PICALM: variants seen among roughly 807,000 people sequenced by gnomAD.
PICALM encodes the protein phosphatidylinositol binding clathrin assembly protein, also known as phosphatidylinositol-binding clathrin assembly protein.
Under a neutral mutation model 80.5 loss-of-function variants are expected in PICALM, and 40 were observed. The ratio of observed to expected loss-of-function variants is 0.50; its 90% CI spans 0.39 to 0.65. The LOEUF (loss-of-function observed/expected upper bound fraction) is 0.65. Among genes scored for constraint, PICALM ranks in the 30% least tolerant of loss-of-function variants. PICALM has a pLI of 0.00. For synonymous variants in PICALM, 288 were observed against 260.3 expected (o/e 1.11, Z -1.02); for missense variants, 676 against 778.9 (o/e 0.87, Z 1.57).
At chr11:86,028,094 CATTTT>C (rs1284052628) in intron 2 of PICALM, among the ~76,000 whole-genome samples, 1 of 152,128 alleles carries the variant, frequency 6.6e-6, no homozygotes, top group Non-Finnish European at 1.5e-5. Context: ...TTTTCCTTTT[CATTTT>C]ATTAGTCCTT....
intron 2 of PICALM, among the ~76,000 whole-genome samples, chr11:86,027,883 A>G (rs980630436): frequency 2.6e-5 from 4 of 152,152 alleles, no homozygotes; most frequent in Admixed American, 6.6e-5. Flanking sequence ...TTGAAAATCA[A>G]TGTGTAAACT....
chr11:86,024,050 A>C (rs953410387), intron 3 of PICALM, among the ~76,000 whole-genome samples: 3 of 152,102 alleles, frequency 2.0e-5, no homozygotes, highest in Non-Finnish European at 4.4e-5. Context: ...GGACCGCTTG[A>C]GCCAGGAGTT....
At chr11:86,001,840 T>G (rs771153306) in intron 9 of PICALM, among the ~76,000 whole-genome samples, 1 of 152,196 alleles carries the variant, frequency 6.6e-6, no homozygotes, top group African/African-American at 2.4e-5. Flanking sequence ...AACCTCAACA[T>G]TAACTTTCCA....
intron 1 of PICALM, among the ~76,000 whole-genome samples, chr11:86,040,003 CAAAA>C (rs752086947): frequency 3.7e-5 from 2 of 53,398 alleles, no homozygotes; most frequent in East Asian, 5.1e-4. Flanking sequence ...GACGCCGTCT[CAAAA>C]AAAAAAAAAA....
At chr11:86,013,112 G>GCAAGA (rs2095425964) in intron 5 of PICALM, among the ~76,000 whole-genome samples, 1 of 152,040 alleles carries the variant, frequency 6.6e-6, no homozygotes, top group Non-Finnish European at 1.5e-5. Flanking sequence ...AATGAGACCA[G>GCAAGA]CCTGGGCAAC....
chr11:86,066,905 T>C (rs1415811579), intron 1 of PICALM, among the ~76,000 whole-genome samples: 1 of 152,194 alleles, frequency 6.6e-6, no homozygotes, highest in African/African-American at 2.4e-5. Context: ...AAAAATCACA[T>C]ATGGCTTTAC....
At chr11:86,019,826 C>A (rs571055050) in intron 4 of PICALM, among the ~76,000 whole-genome samples, 3 of 152,120 alleles carry the variant, frequency 2.0e-5, no homozygotes, top group African/African-American at 7.2e-5. Context: ...TCACTTCAGT[C>A]CATTAATTTA....
At chr11:86,008,918 C>T (rs1229748812) in intron 7 of PICALM, among the ~76,000 whole-genome samples, 1 of 143,388 alleles carries the variant, frequency 7.0e-6, no homozygotes, top group Non-Finnish European at 1.5e-5. Flanking sequence ...TATAGTGAGA[C>T]CCCGTTCTCC....
intron 6 of PICALM, 68 bp downstream of exon 6, chr11:86,012,213 A>C: frequency 1.2e-6 from 1 of 803,224 alleles, no homozygotes; most frequent in Non-Finnish European, 2.0e-6. Flanking sequence ...TTAAGTAACA[A>C]CTCAGTCAAT....
At chr11:86,002,481 G>A (rs1465939940) in intron 9 of PICALM, among the ~76,000 whole-genome samples, 1 of 152,156 alleles carries the variant, frequency 6.6e-6, no homozygotes, top group Non-Finnish European at 1.5e-5. Context: ...TTACCAGACT[G>A]ATATGAAATG....
intron 15 of PICALM, 31 bp downstream of exon 15, chr11:85,981,841 A>C: frequency 1.2e-6 from 2 of 1,612,570 alleles, no homozygotes; most frequent in Non-Finnish European, 1.7e-6. Flanking sequence ...AACAACATAA[A>C]AGAAGATTAA....
At chr11:86,051,682 T>C (rs184957141) in intron 1 of PICALM, among the ~76,000 whole-genome samples, 1 of 152,196 alleles carries the variant, frequency 6.6e-6, no homozygotes, top group Non-Finnish European at 1.5e-5. Context: ...AAAAAAAGTA[T>C]AGAAAGTTGA....
chr11:85,997,367 T>C (rs2095001514), intron 11 of PICALM, among the ~76,000 whole-genome samples: 1 of 152,242 alleles, frequency 6.6e-6, no homozygotes, highest in African/African-American at 2.4e-5. Context: ...TCACTTCTAG[T>C]GCCTCAGTGT....
rs983911803 is a variant in PICALM, at chr11:86,026,022, G to T, written c.349+270C>A. Among the ~76,000 whole-genome samples, 14 of 152,180 alleles carry T rather than the reference G, an allele frequency of 9.2e-5. 1 individual carries two copies. The highest frequency in any genetic ancestry group is 7.2e-4 in the Admixed American group (11 of 15,278). On this transcript the variant is annotated intron_variant, in intron 3 of 19. Coordinates refer to ENST00000393346, the MANE Select transcript of PICALM (RefSeq NM_007166.4). ...CCCAAGTTCATATAGCTGGTAGGCAGCAAAGATGAGATTCAAACCTAGACA... is the reference window on the plus strand; with the variant it reads ...CCCAAGTTCATATAGCTGGTAGGCATCAAAGATGAGATTCAAACCTAGACA...
At chr11:85,972,260 T>G (rs1283369085) in intron 19 of PICALM, among the ~76,000 whole-genome samples, 1 of 152,216 alleles carries the variant, frequency 6.6e-6, no homozygotes, top group Admixed American at 6.5e-5. Context: ...GTTTACAATT[T>G]AGCAGAAAAA....
intron 6 of PICALM, 59 bp from the exon 7 acceptor site, chr11:86,011,195 GA>G (rs57263198): frequency 1.3e-4 from 92 of 681,566 alleles, no homozygotes; most frequent in East Asian, 1.1e-3. Context: ...CCCAAAAAAG[GA>G]AAAAAAAAGT....
chr11:86,022,384 G>A lies in PICALM; in HGVS notation c.435C>T (p.Phe145=), dbSNP rs1306970157. 6.3e-7 allele frequency: 1 copy of A among 1,576,364 alleles called. No homozygotes were observed. The highest frequency in any genetic ancestry group is 8.6e-7 in the Non-Finnish European group (1 of 1,161,134). Residue 145 remains phenylalanine, a synonymous_variant, in exon 4 of 20, where the codon TTC becomes TTT. Coordinates refer to ENST00000393346, the MANE Select transcript of PICALM (RefSeq NM_007166.4). ...AVSYRQVAFD[F]TKVKRGADGV... Reference sequence around the variant, plus strand: ...TAACTCACCCTCTCTTCACTTTTGTGAAATCAAATGCAACTTGTCTGTATG... The same window carrying A: ...TAACTCACCCTCTCTTCACTTTTGTAAAATCAAATGCAACTTGTCTGTATG...
chr11:86,021,748 T>C (rs1231573118), intron 4 of PICALM, among the ~76,000 whole-genome samples: 1 of 152,212 alleles, frequency 6.6e-6, no homozygotes, highest in African/African-American at 2.4e-5. Flanking sequence ...GCACCATTAT[T>C]CCTAATAGGC....
intron 1 of PICALM, among the ~76,000 whole-genome samples, chr11:86,067,398 G>C (rs1476030515): frequency 6.6e-6 from 1 of 152,160 alleles, no homozygotes; most frequent in Non-Finnish European, 1.5e-5. Context: ...AAAAGTTTCA[G>C]GTCTAAGCTC....
Sources: allele counts gnomAD v4.1 joint callset (sites outside exome capture counted in the v4.1 genomes callset), GRCh38; gene constraint gnomAD v4.1.1; transcripts MANE v1.5; gene names NCBI Gene and HGNC (gene_info 2026-07-23, HGNC 2026-07-21).